Variants in TMEM108 observed in about 807,000 individuals in gnomAD.
The protein encoded by TMEM108 is transmembrane protein 108.
TMEM108 carries 12 observed loss-of-function variants against 35.1 expected under a neutral mutation model. The ratio of observed to expected loss-of-function variants is 0.34; its 90% confidence interval spans 0.22 to 0.55. TMEM108 has a LOEUF of 0.55. Among genes scored for constraint, TMEM108 ranks in the 20% least tolerant of loss-of-function variants. The pLI is 0.89. For synonymous variants in TMEM108, 287 were observed against 308.6 expected (o/e 0.93, Z 0.73); for missense variants, 680 against 753.3 (o/e 0.90, Z 1.14).
At chr3:133,378,083 G>A (rs1176757522) in intron 3 of TMEM108, among the ~76,000 whole-genome samples, 1 of 152,130 alleles carries the variant, frequency 6.6e-6, no homozygotes, top group East Asian at 1.9e-4. Context: ...AAAAGGTTGG[G>A]GACCGCTAGT....
chr3:133,358,056 A>G (rs2072227436), intron 3 of TMEM108, among the ~76,000 whole-genome samples: 1 of 152,208 alleles, frequency 6.6e-6, no homozygotes, highest in Non-Finnish European at 1.5e-5. Flanking sequence ...CCAGAATCAC[A>G]TATGTCTACC....
At chr3:133,074,431 T>C (rs907089479) in intron 2 of TMEM108, 1 of 152,202 alleles carries the variant, frequency 6.6e-6, no homozygotes, top group Non-Finnish European at 1.5e-5. Context: ...CTACCTTAAA[T>C]GTGTTCAGAA....
intron 2 of TMEM108, among the ~76,000 whole-genome samples, chr3:133,208,210 G>A (rs1945786414): frequency 1.3e-5 from 2 of 152,182 alleles, no homozygotes; most frequent in African/African-American, 4.8e-5. Context: ...GTCTGAGGTA[G>A]AACCTGATCA....
chr3:133,334,800 C>A (rs1383483220), intron 3 of TMEM108, among the ~76,000 whole-genome samples: 1 of 152,314 alleles, frequency 6.6e-6, no homozygotes, highest in Admixed American at 6.5e-5. Context: ...TTAGGCATAA[C>A]TGATACATGG....
At chr3:133,293,644 G>A (rs1378532193) in intron 3 of TMEM108, among the ~76,000 whole-genome samples, 4 of 152,076 alleles carry the variant, frequency 2.6e-5, no homozygotes, top group Admixed American at 2.0e-4. Context: ...TAAGACGGAT[G>A]TTGAGTGGTT....
In TMEM108 at chr3:133,395,846, C is replaced by A; in HGVS notation, c.1606-18C>A. 6.4e-7 allele frequency: 1 copy of A among 1,564,688 alleles called. No individual in the cohort carries two copies. Among genetic ancestry groups the A allele is most frequent in the Non-Finnish European group, 8.6e-7 (1 of 1,157,220 alleles). Reference sequence around the variant, plus strand: ...AGCCTTCTCCAGCTCACTCCATCTCCTCCCTCTCTCTTCCCAGGACCAGCT... The same window carrying A: ...AGCCTTCTCCAGCTCACTCCATCTCATCCCTCTCTCTTCCCAGGACCAGCT... On this transcript the variant is annotated intron_variant, in intron 5 of 5. Coordinates refer to ENST00000321871, the MANE Select transcript of TMEM108 (RefSeq NM_023943.4).
intron 2 of TMEM108, chr3:133,124,695 TAAAGTA>T (rs1944393257): frequency 6.6e-6 from 1 of 152,264 alleles, no homozygotes; most frequent in African/African-American, 2.4e-5. Flanking sequence ...CTAGGCAAGT[TAAAGTA>T]ATTCAGCGTC....
In TMEM108 at chr3:133,386,760, T is replaced by C. The variant is rs951906882; in HGVS notation, c.1451-3420T>C. ...AGTTTACAAAACGCTTCTGCATATG[T>C]CATCTCTATACCCTCCGGTGTTCAG... is the stretch of plus-strand genomic sequence containing the variant. On this transcript the variant is annotated intron_variant, in intron 4 of 5. Coordinates refer to ENST00000321871, the MANE Select transcript of TMEM108 (RefSeq NM_023943.4). The C allele has an allele frequency of 5.9e-6, 7 of 1,188,454 alleles. No individual in the cohort carries two copies. The African/African-American group carries it at 1.1e-4, about 18-fold the overall frequency. 73.6% of individuals were successfully genotyped at this position (1,188,454 alleles called of 1,614,324 possible). A position where few individuals can be genotyped will look rare whatever the true frequency, so the allele number is the denominator to read the frequency against.
At chr3:133,157,922 T>G (rs2107775314) in intron 2 of TMEM108, among the ~76,000 whole-genome samples, 1 of 152,346 alleles carries the variant, frequency 6.6e-6, no homozygotes, top group African/African-American at 2.4e-5. Context: ...GTGCTAGCAC[T>G]GCAGACTACA....
intron 3 of TMEM108, among the ~76,000 whole-genome samples, chr3:133,328,866 G>A (rs1028435562): frequency 1.3e-5 from 2 of 152,126 alleles, no homozygotes; most frequent in Admixed American, 6.5e-5. Flanking sequence ...CCAAATAATT[G>A]GGAGTGGTTG....
intron 3 of TMEM108, among the ~76,000 whole-genome samples, chr3:133,286,340 AT>A (rs112441403): frequency 1.6e-4 from 24 of 149,660 alleles, no homozygotes; most frequent in African/African-American, 4.2e-4. Flanking sequence ...TTATTTATTT[AT>A]TTTTTTTTTA....
At chr3:133,094,134 G>A (rs894895521) in intron 2 of TMEM108, among the ~76,000 whole-genome samples, 6 of 151,946 alleles carry the variant, frequency 3.9e-5, no homozygotes, top group Non-Finnish European at 8.8e-5. Context: ...AGATATGCAG[G>A]TCTGTTTCTT....
chr3:133,164,334 G>T (rs565103423), intron 2 of TMEM108, among the ~76,000 whole-genome samples: 2 of 152,060 alleles, frequency 1.3e-5, no homozygotes, highest in Admixed American at 6.6e-5. Context: ...AACACACACC[G>T]ATGCTTTAAC....
At chr3:133,178,343 A>G (rs931048857) in intron 2 of TMEM108, among the ~76,000 whole-genome samples, 2 of 152,344 alleles carry the variant, frequency 1.3e-5, no homozygotes, top group Admixed American at 6.5e-5. Context: ...AAGAGCCCAC[A>G]TTGCCACATC....
chr3:133,270,844 C>A (rs972701171), intron 3 of TMEM108, among the ~76,000 whole-genome samples: 7 of 151,616 alleles, frequency 4.6e-5, no homozygotes, highest in Admixed American at 3.9e-4. Context: ...CACACACACA[C>A]CCCTACCCCT....
At chr3:133,285,811 A>C (rs1004634160) in intron 3 of TMEM108, among the ~76,000 whole-genome samples, 23 of 152,140 alleles carry the variant, frequency 1.5e-4, no homozygotes, top group African/African-American at 5.5e-4. Context: ...TTCAGCCCCC[A>C]TCACTGCTTT....
intron 2 of TMEM108, among the ~76,000 whole-genome samples, chr3:133,134,095 C>CTA (rs961806155): frequency 9.9e-5 from 15 of 151,346 alleles, no homozygotes; most frequent in South Asian, 2.1e-4. Flanking sequence ...GAATACTATT[C>CTA]TATATATATA....
At chr3:133,187,410 ACT>A (rs1483267612) in intron 2 of TMEM108, among the ~76,000 whole-genome samples, 9 of 152,048 alleles carry the variant, frequency 5.9e-5, no homozygotes, top group Non-Finnish European at 1.5e-5. Context: ...GCAGGGAGAA[ACT>A]CTCAGCCTGA....
chr3:133,368,510 C>T (rs1278136708), intron 3 of TMEM108, among the ~76,000 whole-genome samples: 1 of 152,208 alleles, frequency 6.6e-6, no homozygotes. Flanking sequence ...AGCAGATCAA[C>T]AGGAGTTAGG....
Sources: gnomAD v4.1 joint callset for allele counts (sites outside exome capture counted in the v4.1 genomes callset) on GRCh38, gnomAD v4.1.1 for gene constraint, MANE v1.5 for transcripts, NCBI Gene and HGNC (gene_info 2026-07-23, HGNC 2026-07-21) for gene names.